Variants in LRRFIP1 observed in about 807,000 individuals in gnomAD.
LRRFIP1 encodes the protein leucine-rich repeat flightless-interacting protein 1.
In LRRFIP1, 62 loss-of-function variants were observed where a neutral mutation model predicts 104.4. The observed-to-expected ratio is 0.59, with a 90% confidence interval of 0.48 to 0.73. The LOEUF is 0.73. Among genes scored for constraint, LRRFIP1 ranks in the 30% least tolerant of loss-of-function variants. The probability of loss-of-function intolerance (pLI) is 0.00; values close to 1 mark genes in which losing one functional copy is unlikely to be tolerated. For synonymous variants in LRRFIP1, 300 were observed against 299.0 expected (o/e 1.00, Z -0.03); for missense variants, 796 against 824.5 (o/e 0.97, Z 0.42).
chr2:237,719,313 T>C (rs2094455596), intron 4 of LRRFIP1, among the ~76,000 whole-genome samples: 1 of 152,226 alleles, frequency 6.6e-6, no homozygotes, highest in African/African-American at 2.4e-5. Flanking sequence ...TGCAAATTAT[T>C]TTTGTGCTTA....
At chr2:237,772,720 C>T (rs879141156) in intron 21 of LRRFIP1, 146 bp from the exon 22 acceptor site, 1 of 631,120 alleles carries the variant, frequency 1.6e-6, no homozygotes, top group Non-Finnish European at 2.8e-6. Flanking sequence ...CTCCTACTCT[C>T]AGCTCTGGGA....
chr2:237,737,909 T>C (rs903571076), intron 10 of LRRFIP1, among the ~76,000 whole-genome samples: 5 of 152,204 alleles, frequency 3.3e-5, no homozygotes, highest in Non-Finnish European at 5.9e-5. Context: ...GGTGGATGGG[T>C]CTGGGGAACT....
At chr2:237,671,826 A>C (rs11679732) in intron 1 of LRRFIP1, among the ~76,000 whole-genome samples, 1 of 148,594 alleles carries the variant, frequency 6.7e-6, no homozygotes, top group African/African-American at 2.5e-5. Flanking sequence ...GTGTGTGCAC[A>C]TGTGTGTGTG....
At chr2:237,628,579 A>T (rs2149216894) in intron 1 of LRRFIP1, among the ~76,000 whole-genome samples, 1 of 152,300 alleles carries the variant, frequency 6.6e-6, no homozygotes, top group Middle Eastern at 3.4e-3. Context: ...AGGAAGCTTA[A>T]TTTTTGACTG....
Position 237,738,942 on chromosome 2 carries a change from C to G in LRRFIP1, c.556-290C>G, listed in dbSNP as rs951079672. 7.2e-5 allele frequency among the ~76,000 whole-genome samples: 11 copies of G among 152,258 alleles called. 1 individual carries two copies. The highest frequency in any genetic ancestry group is 7.2e-4 in the Admixed American group (11 of 15,288). ...CACGGGGTGACTTTCTGTGTCTACA[C>G]TAGGTGTGACTGCACACCCAATTGA... On this transcript the variant is annotated intron_variant, in intron 10 of 23. Transcript: ENST00000308482.
intron 1 of LRRFIP1, among the ~76,000 whole-genome samples, chr2:237,707,846 G>T (rs551179195): frequency 5.9e-4 from 90 of 152,310 alleles, no homozygotes; most frequent in African/African-American, 2.2e-3. Context: ...TTTTTTTAGT[G>T]CAAGGAAGGA....
intron 19 of LRRFIP1, among the ~76,000 whole-genome samples, chr2:237,761,975 G>A (rs1025388210): frequency 2.6e-5 from 4 of 152,316 alleles, no homozygotes; most frequent in Middle Eastern, 3.4e-3. Flanking sequence ...GTCCCTTAGG[G>A]AATGGAGCAG....
At chr2:237,655,919 C>G (rs1014719937) in intron 1 of LRRFIP1, among the ~76,000 whole-genome samples, 2 of 152,204 alleles carry the variant, frequency 1.3e-5, no homozygotes, top group African/African-American at 4.8e-5. Flanking sequence ...GTGGACATCG[C>G]TTTCCAGTTT....
chr2:237,627,813 G>T (rs1177506716), intron 1 of LRRFIP1, 73 bp downstream of exon 1: 3 of 978,386 alleles, frequency 3.1e-6, no homozygotes, highest in Non-Finnish European at 3.9e-6. Flanking sequence ...GGGTCTCTCC[G>T]GCGTCCGTCT....
chr2:237,676,403 G>A (rs900688220), intron 1 of LRRFIP1, among the ~76,000 whole-genome samples: 3 of 152,192 alleles, frequency 2.0e-5, no homozygotes, highest in Admixed American at 6.5e-5. Flanking sequence ...TATCTTTCTA[G>A]TGAGACCCGA....
intron 1 of LRRFIP1, among the ~76,000 whole-genome samples, chr2:237,675,482 CA>C (rs2091012188): frequency 6.6e-6 from 1 of 152,146 alleles, no homozygotes; most frequent in South Asian, 2.1e-4. Flanking sequence ...ACCAGCCTGC[CA>C]GGGGGATCCA....
chr2:237,778,002 C>G (rs1576468998), intron 23 of LRRFIP1, among the ~76,000 whole-genome samples: 1 of 152,266 alleles, frequency 6.6e-6, no homozygotes, highest in East Asian at 1.9e-4. Context: ...TGTATGTCCT[C>G]TTTTTAAATT....
In LRRFIP1 at chr2:237,674,311, C is replaced by G. The variant is rs368212961; in HGVS notation, c.97-34233C>G. ...GCCCCCCAGAATCCTAGCCTGCGCCCGCAGATGAGCAGGGGCAAGGACGCA... is the reference window on the plus strand; with the variant it reads ...GCCCCCCAGAATCCTAGCCTGCGCCGGCAGATGAGCAGGGGCAAGGACGCA... On this transcript the variant is annotated intron_variant, in intron 1 of 23. Transcript: ENST00000308482. Among the ~76,000 whole-genome samples, 18 of 152,298 alleles carry G rather than the reference C, an allele frequency of 1.2e-4. 2 individuals carry two copies. The highest frequency in any genetic ancestry group is 4.3e-4 in the African/African-American group (18 of 41,562).
chr2:237,689,806 G>C (rs1197692614), intron 1 of LRRFIP1, among the ~76,000 whole-genome samples: 1 of 152,230 alleles, frequency 6.6e-6, no homozygotes, highest in Non-Finnish European at 1.5e-5. Context: ...CAGCAAGGCA[G>C]GTGCTGGTTT....
intron 17 of LRRFIP1, among the ~76,000 whole-genome samples, chr2:237,758,227 T>TGTGTGTGG (rs1165078879): frequency 2.2e-4 from 33 of 152,030 alleles, no homozygotes; most frequent in African/African-American, 7.5e-4. Context: ...CTTAGGAGTG[T>TGTGTGTGG]GTGTGTGTGT....
chr2:237,762,750 C>A (rs2060004756), intron 19 of LRRFIP1: 1 of 1,614,082 alleles, frequency 6.2e-7, no homozygotes, highest in South Asian at 1.1e-5. Flanking sequence ...GGTGAGAATA[C>A]CGAGGACCAG....
At chr2:237,741,503 T>C (rs74272420) in intron 11 of LRRFIP1, among the ~76,000 whole-genome samples, 4,848 of 152,288 alleles carry the variant, frequency 0.032, 93 homozygotes, top group Middle Eastern at 0.12. Flanking sequence ...TAGGATTGCT[T>C]TGTCTTCTCA....
intron 11 of LRRFIP1, among the ~76,000 whole-genome samples, chr2:237,742,318 C>CCCGCAGTGCCAACT (rs1243819044): frequency 1.3e-5 from 2 of 152,252 alleles, no homozygotes; most frequent in East Asian, 3.9e-4. Context: ...CTGGTTGGCA[C>CCCGCAGTGCCAACT]GCTTAGGGAA....
At chr2:237,642,532 T>C (rs1397339970) in intron 1 of LRRFIP1, among the ~76,000 whole-genome samples, 2 of 150,864 alleles carry the variant, frequency 1.3e-5, no homozygotes, top group African/African-American at 2.4e-5. Flanking sequence ...GCTAAGGGTT[T>C]CAGGTTCCAG....
Sources: gnomAD v4.1 joint callset for allele counts (sites outside exome capture counted in the v4.1 genomes callset) on GRCh38, gnomAD v4.1.1 for gene constraint, MANE v1.5 for transcripts, NCBI Gene and HGNC (gene_info 2026-07-23, HGNC 2026-07-21) for gene names.